The following SEPTIN9 variants were observed in gnomAD, a reference collection of about 807,000 sequenced individuals.
SEPTIN9 encodes the protein septin 9, also known as septin-9.
In SEPTIN9, 13 loss-of-function variants were observed where a neutral mutation model predicts 56.6. The ratio of observed to expected loss-of-function variants is 0.23; its 90% CI spans 0.15 to 0.37. The LOEUF is 0.37. Among genes scored for constraint, SEPTIN9 ranks in the 10% least tolerant of loss-of-function variants. The pLI is 1.00. For synonymous variants in SEPTIN9, 332 were observed against 334.1 expected (o/e 0.99, Z 0.07); for missense variants, 650 against 823.1 (o/e 0.79, Z 2.57).
chr17:77,471,717 C>T (rs887108482), intron 3 of SEPTIN9, among the ~76,000 whole-genome samples: 10 of 152,244 alleles, frequency 6.6e-5, no homozygotes, highest in African/African-American at 2.4e-4. Flanking sequence ...ACTTTTCTTT[C>T]TCTTTGTAAG....
chr17:77,494,378 G>T (rs933046019), intron 10 of SEPTIN9, among the ~76,000 whole-genome samples: 43 of 152,220 alleles, frequency 2.8e-4, no homozygotes, highest in Non-Finnish European at 7.3e-5. Context: ...AGGGGAAGGT[G>T]CAGAGGGAAA....
At chr17:77,290,864 C>T (rs1347402647) in intron 1 of SEPTIN9, among the ~76,000 whole-genome samples, 2 of 149,020 alleles carry the variant, frequency 1.3e-5, no homozygotes, top group Non-Finnish European at 3.0e-5. Context: ...TACCCACTTG[C>T]ATTATTTATT....
At chr17:77,393,118 G>GA (rs141769662) in intron 2 of SEPTIN9, among the ~76,000 whole-genome samples, 2,364 of 152,196 alleles carry the variant, frequency 0.016, 63 homozygotes, top group African/African-American at 0.055. Context: ...AGTGGGAGGG[G>GA]ACACCAGGGG....
At chr17:77,361,922 G>T (rs1284000867) in intron 2 of SEPTIN9, among the ~76,000 whole-genome samples, 2 of 152,212 alleles carry the variant, frequency 1.3e-5, no homozygotes, top group Non-Finnish European at 2.9e-5. Context: ...GTGAGCCACC[G>T]CGCCCGGCCA....
intron 2 of SEPTIN9, among the ~76,000 whole-genome samples, chr17:77,335,990 A>G (rs12450623): frequency 0.13 from 6,855 of 52,852 alleles, 2,059 homozygotes; most frequent in Middle Eastern, 0.23. Flanking sequence ...ATGTGGTCCT[A>G]TATTAGTATA....
chr17:77,367,740 TGGGA>T lies in SEPTIN9; in HGVS notation c.77-34316_77-34313del, dbSNP rs2034612742. Among the ~76,000 whole-genome samples, 1 of 152,074 alleles carries T rather than the reference TGGGA, an allele frequency of 6.6e-6. No individual in the cohort carries two copies. The highest frequency in any genetic ancestry group is 1.5e-5 in the Non-Finnish European group (1 of 68,012). ...CTGAGGCAGGAGAATTGCTCCGATC[TGGGA>T]GGCGGAGGTTGCAGTGAGCCGAGAT... is the stretch of plus-strand genomic sequence containing the variant. On this transcript the variant is annotated intron_variant, in intron 2 of 11. Transcript: ENST00000427177. This position sits in a 1 kb window ranked among gnomAD's most constrained non-coding sequence, Gnocchi z 4.5.
chr17:77,358,241 T>A (rs1170991083), intron 2 of SEPTIN9, among the ~76,000 whole-genome samples: 1 of 152,190 alleles, frequency 6.6e-6, no homozygotes, highest in Non-Finnish European at 1.5e-5. Context: ...CCCAGCCTAC[T>A]CTGGGCACGT....
chr17:77,488,391 C>T (rs1042660739), intron 6 of SEPTIN9, 70 bp downstream of exon 6: 7 of 1,434,294 alleles, frequency 4.9e-6, no homozygotes, highest in African/African-American at 4.2e-5. Flanking sequence ...CCAGAGTCAG[C>T]CCTAGAGGTT....
At chr17:77,307,883 C>T (rs1029022755) in intron 2 of SEPTIN9, among the ~76,000 whole-genome samples, 13 of 152,212 alleles carry the variant, frequency 8.5e-5, no homozygotes, top group African/African-American at 3.1e-4. Flanking sequence ...GCTCTGCCTC[C>T]AGCCCTTGCC....
In SEPTIN9 at chr17:77,451,254, G is replaced by A. The variant is rs972591677; in HGVS notation, c.722-30890G>A. ...CTTGGCGTCCCTCCCGTGCCTTCAG[G>A]TTGCTTCTGCGCCGGGCCTGCCGCT... On this transcript the variant is annotated intron_variant, in intron 3 of 11. Transcript: ENST00000427177. This position sits in a 1 kb window ranked among gnomAD's most constrained non-coding sequence, Gnocchi z 4.2. 4 of 489,902 alleles carry A rather than the reference G, an allele frequency of 8.2e-6. No individual in the cohort carries two copies. The African/African-American group carries it at 8.4e-5, about 10-fold the overall frequency. The allele number at this position is 489,902 out of a possible 1,614,324, so 30.3% of individuals were successfully genotyped here.
intron 3 of SEPTIN9, among the ~76,000 whole-genome samples, chr17:77,472,132 GA>G (rs1308901963): frequency 6.6e-6 from 1 of 152,136 alleles, no homozygotes; most frequent in East Asian, 1.9e-4. Context: ...GAGCCTGGGT[GA>G]AAAAACTCAG....
Position 77,421,909 on chromosome 17 carries a change from C to T in SEPTIN9, c.721+19206C>T, listed in dbSNP as rs1019245934. On this transcript the variant is annotated intron_variant, in intron 3 of 11. Coordinates refer to ENST00000427177, the MANE Select transcript of SEPTIN9 (RefSeq NM_001113491.2). The surrounding 1 kb of genome is among the most constrained non-coding windows in gnomAD (Gnocchi z 4.6). ...TGTCGCCCAGGCTGGAGTTCAATGG[C>T]CCAATGTCCCGCTCACTGTGATCTC... is the stretch of plus-strand genomic sequence containing the variant. 2.6e-5 allele frequency among the ~76,000 whole-genome samples: 4 copies of T among 151,826 alleles called. No individual in the cohort carries two copies. Among genetic ancestry groups the T allele is most frequent in the African/African-American group, 9.7e-5 (4 of 41,286 alleles).
intron 2 of SEPTIN9, among the ~76,000 whole-genome samples, chr17:77,365,765 A>G (rs1335330961): frequency 1.3e-5 from 2 of 152,224 alleles, no homozygotes; most frequent in Non-Finnish European, 2.9e-5. Flanking sequence ...TTGTTAGAAC[A>G]TGGAGCCGCG....
At chr17:77,447,448 T>C (rs534788388) in intron 3 of SEPTIN9, among the ~76,000 whole-genome samples, 7 of 152,340 alleles carry the variant, frequency 4.6e-5, no homozygotes, top group Admixed American at 3.9e-4. Flanking sequence ...ACTCTCCCTT[T>C]TGAGCCAGCC....
intron 2 of SEPTIN9, among the ~76,000 whole-genome samples, chr17:77,395,665 C>T (rs1043550344): frequency 3.3e-5 from 5 of 152,118 alleles, no homozygotes; most frequent in Non-Finnish European, 4.4e-5. Flanking sequence ...ATCCAGAGAT[C>T]GTTATTTTCT....
At chr17:77,481,919 T>C (rs1025414879) in intron 3 of SEPTIN9, 18 of 587,158 alleles carry the variant, frequency 3.1e-5, no homozygotes, top group African/African-American at 2.2e-4. Context: ...GATGGAGCTT[T>C]GCTGGGGAGG....
At position 77,492,493 on chromosome 17, in the gene SEPTIN9, GC is replaced by G; in HGVS notation, c.1381-122del. 4 of 813,906 alleles carry G rather than the reference GC, an allele frequency of 4.9e-6. No homozygotes were observed. Among genetic ancestry groups the G allele is most frequent in the Non-Finnish European group, 8.7e-6 (4 of 461,420 alleles). 50.4% of individuals were successfully genotyped at this position (813,906 alleles called of 1,614,324 possible). On this transcript the variant is annotated intron_variant, in intron 8 of 11. Transcript: ENST00000427177. The surrounding 1 kb of genome is among the most constrained non-coding windows in gnomAD (Gnocchi z 5.4). Reference sequence around the variant, plus strand: ...GGAGTTGGAGGTGATTGGTGTCACAGCCCCCCAGAGCCTGCCCTTGAACCCG... The same window carrying G: ...GGAGTTGGAGGTGATTGGTGTCACAGCCCCCAGAGCCTGCCCTTGAACCCG...
intron 2 of SEPTIN9, among the ~76,000 whole-genome samples, chr17:77,385,746 C>T (rs921428873): frequency 4.6e-5 from 7 of 152,060 alleles, no homozygotes; most frequent in Non-Finnish European, 8.8e-5. Flanking sequence ...CCTGCTTTGC[C>T]CAAAGGTCTA....
chr17:77,418,550 C>A (rs2036581962), intron 3 of SEPTIN9, among the ~76,000 whole-genome samples: 1 of 152,102 alleles, frequency 6.6e-6, no homozygotes, highest in African/African-American at 2.4e-5. Context: ...ACCATGTTGG[C>A]CAGGCTGGTC....
Sources: allele counts gnomAD v4.1 joint callset (sites outside exome capture counted in the v4.1 genomes callset), GRCh38; gene constraint gnomAD v4.1.1; non-coding constraint Gnocchi (gnomAD v3.1); transcripts MANE v1.5; gene names NCBI Gene and HGNC (gene_info 2026-07-23, HGNC 2026-07-21).